Variants in MCF2L observed in about 807,000 individuals in gnomAD.
MCF2L encodes guanine nucleotide exchange factor DBS.
Under a neutral mutation model 153.4 loss-of-function variants are expected in MCF2L, and 97 were observed. The observed-to-expected ratio is 0.63, with a 90% CI of 0.54 to 0.75. The LOEUF (loss-of-function observed/expected upper bound fraction) is 0.75. Ranked by LOEUF, MCF2L falls within the 30% of genes least tolerant of loss-of-function variation. The probability of loss-of-function intolerance (pLI) is 0.00; values close to 1 mark genes in which losing one functional copy is unlikely to be tolerated. For missense variants in MCF2L, 1,347 were observed against 1,495.2 expected (o/e 0.90, Z 1.64); for synonymous variants, 659 against 632.2 (o/e 1.04, Z -0.64).
At chr13:112,935,961 G>A (rs895449017) in intron 2 of MCF2L, among the ~76,000 whole-genome samples, 35 of 152,262 alleles carry the variant, frequency 2.3e-4, no homozygotes, top group African/African-American at 5.3e-4. Flanking sequence ...GCCTGGAACC[G>A]ATCCTTCCCT....
rs563320301 is a variant in MCF2L at position 113,064,322 on chromosome 13, G to A, written c.508G>A (p.Val170Ile). The change falls in exon 6 of 30, where the codon GTA becomes ATA. Residue 170 changes from valine to isoleucine, a missense_variant. Coordinates refer to ENST00000535094, the MANE Select transcript of MCF2L (RefSeq NM_001112732.3). The surrounding 1 kb of genome is among the most constrained non-coding windows in gnomAD (Gnocchi z 6.0). ...CCTCCAGGTCATAATGCTGAGCTCC[G>A]TACCAGACTTACACGGTTACATCGA... ...MKVPVIMLSS[V>I]PDLHGYIDKS... 36 of 1,612,778 alleles carry A rather than the reference G, an allele frequency of 2.2e-5. No individual in the cohort carries two copies. The highest frequency in any genetic ancestry group is 3.3e-4 in the Middle Eastern group (2 of 6,060).
intron 26 of MCF2L, chr13:113,090,848 C>T (rs766581510): frequency 7.4e-5 from 85 of 1,145,590 alleles, no homozygotes; most frequent in Admixed American, 3.5e-4. Context: ...ACTCTGCTAG[C>T]GCAGAACTAA....
intron 11 of MCF2L, 90 bp downstream of exon 11, chr13:113,075,279 G>A (rs2033351759): frequency 3.2e-6 from 4 of 1,238,098 alleles, no homozygotes; most frequent in Admixed American, 5.1e-5. Context: ...CCTTGTCGTG[G>A]GGAGGGCAGC....
intron 2 of MCF2L, among the ~76,000 whole-genome samples, chr13:112,912,718 C>G (rs2081245441): frequency 6.6e-6 from 1 of 151,980 alleles, no homozygotes; most frequent in Admixed American, 6.6e-5. Flanking sequence ...ATTTTATATC[C>G]TTCTTTTCTT....
Position 113,077,032 on chromosome 13 carries a change from T to C in MCF2L, c.1501-20T>C, listed in dbSNP as rs781098257. 1.9e-6 allele frequency: 3 copies of C among 1,602,482 alleles called. No individual in the cohort carries two copies. The highest frequency in any genetic ancestry group is 2.6e-6 in the Non-Finnish European group (3 of 1,172,946). ...TGACACCAACATGTGCAAGGCACCT[T>C]ACTGAGCATGCGGTTTCAGGAGCAC... is the stretch of plus-strand genomic sequence containing the variant. On this transcript the variant is annotated intron_variant, in intron 12 of 29. Transcript: ENST00000535094.
chr13:113,014,959 G>T, intron 2 of MCF2L, 113 bp downstream of exon 2: 1 of 892,040 alleles, frequency 1.1e-6, no homozygotes, highest in South Asian at 1.4e-5. Context: ...CATGCGAGGG[G>T]CTGTGTATTC....
Position 112,983,932 on chromosome 13 carries a change from C to A in MCF2L, c.79+14474C>A, listed in dbSNP as rs1193869941. Among the ~76,000 whole-genome samples the A allele has an allele frequency of 6.6e-6, 1 of 152,222 alleles. No homozygotes were observed. Among genetic ancestry groups the A allele is most frequent in the Non-Finnish European group, 1.5e-5 (1 of 68,042 alleles). Reference sequence around the variant, plus strand: ...GACTTCCACTCACATGGAGGAGGAGCCTCCTCTGCCCGGAGGAGACGGTGC... The same window carrying A: ...GACTTCCACTCACATGGAGGAGGAGACTCCTCTGCCCGGAGGAGACGGTGC... On this transcript the variant is annotated intron_variant, in intron 1 of 29. Coordinates refer to ENST00000535094, the MANE Select transcript of MCF2L (RefSeq NM_001112732.3). This position sits in a 1 kb window ranked among gnomAD's most constrained non-coding sequence, Gnocchi z 4.0.
chr13:112,987,881 C>A, intron 1 of MCF2L, among the ~76,000 whole-genome samples: 1 of 152,240 alleles, frequency 6.6e-6, no homozygotes, highest in Admixed American at 6.5e-5. Context: ...CCAGAACTGA[C>A]CCTGCCCAGC....
chr13:112,898,072 G>A (rs1294177830), intron 1 of MCF2L, among the ~76,000 whole-genome samples: 2 of 152,198 alleles, frequency 1.3e-5, no homozygotes, highest in East Asian at 1.9e-4. Context: ...TAGGGCCGCC[G>A]CCCCCACCTC....
Position 113,027,198 on chromosome 13 carries a change from GCGCAC to G in MCF2L, c.278+2441_278+2445del. On this transcript the variant is annotated intron_variant, in intron 3 of 29. Coordinates refer to ENST00000535094, the MANE Select transcript of MCF2L (RefSeq NM_001112732.3). This position sits in a 1 kb window ranked among gnomAD's most constrained non-coding sequence, Gnocchi z 4.8. ...CATTCTTCAGTCTTTAAAGACAACA[GCGCAC>G]TGGGCCTGGTAACTGAGAGCTCAGC... is the stretch of plus-strand genomic sequence containing the variant. 1 of 619,338 alleles carries G rather than the reference GCGCAC, an allele frequency of 1.6e-6. No homozygotes were observed. The highest frequency in any genetic ancestry group is 2.9e-6 in the Non-Finnish European group (1 of 339,520). 38.4% of individuals were successfully genotyped at this position (619,338 alleles called of 1,614,324 possible).
At chr13:112,980,788 C>G (rs550999343) in intron 1 of MCF2L, among the ~76,000 whole-genome samples, 24 of 152,356 alleles carry the variant, frequency 1.6e-4, no homozygotes, top group Non-Finnish European at 3.2e-4. Flanking sequence ...CAGCCTCCCT[C>G]CGAGTCCACT....
intron 2 of MCF2L, among the ~76,000 whole-genome samples, chr13:112,923,553 C>T (rs536005676): frequency 1.3e-5 from 2 of 152,030 alleles, no homozygotes; most frequent in African/African-American, 2.4e-5. Context: ...TGTGAGCCAC[C>T]GCACCTGGCC....
Position 113,075,189 on chromosome 13 carries a change from G to C in MCF2L, c.1308G>C (p.Thr436=), listed in dbSNP as rs145126289. 1.9e-6 allele frequency: 3 copies of C among 1,589,460 alleles called. No individual in the cohort carries two copies. Among genetic ancestry groups the C allele is most frequent in the East Asian group, 2.3e-5 (1 of 44,190 alleles). Reference sequence around the variant, plus strand: ...TGGAGCTGCACCGCCGCCTGGAGACGGTAGGCCGAGCCGGACCCCACCCCA... The same window carrying C: ...TGGAGCTGCACCGCCGCCTGGAGACCGTAGGCCGAGCCGGACCCCACCCCA... The part of the protein sequence containing the change: ...KSLELHRRLE[T]SMKWCDEGIY... Residue 436 remains threonine, a splice_region_variant and synonymous_variant, in exon 11 of 30, where the codon ACG becomes ACC. Coordinates refer to ENST00000535094, the MANE Select transcript of MCF2L (RefSeq NM_001112732.3).
At chr13:112,970,740 T>C (rs2082013130) in intron 1 of MCF2L, among the ~76,000 whole-genome samples, 1 of 152,106 alleles carries the variant, frequency 6.6e-6, no homozygotes, top group Admixed American at 6.5e-5. Context: ...CCCAGGTTTT[T>C]AGGGATTGGG....
At chr13:112,911,038 C>T (rs1043551270) in intron 2 of MCF2L, among the ~76,000 whole-genome samples, 1 of 152,188 alleles carries the variant, frequency 6.6e-6, no homozygotes, top group Non-Finnish European at 1.5e-5. Flanking sequence ...CTGACTCTCT[C>T]GCCCCTGCCC....
Position 112,932,224 on chromosome 13 carries a change from G to C in MCF2L, c.169+29853G>C, listed in dbSNP as rs778342170. On this transcript the variant is annotated intron_variant, in intron 2 of 29. Transcript: ENST00000375608. This position sits in a 1 kb window ranked among gnomAD's most constrained non-coding sequence, Gnocchi z 4.6. The stretch of plus-strand genomic sequence containing the variant: ...CCAGGCGTGTAGACTCGTGCCCTGG[G>C]TAAGGCGTGACCGGGATGGCACTTT... 1.2e-4 allele frequency among the ~76,000 whole-genome samples: 18 copies of C among 150,288 alleles called. No homozygotes were observed. The highest frequency in any genetic ancestry group is 2.5e-4 in the Non-Finnish European group (17 of 67,406).
intron 2 of MCF2L, among the ~76,000 whole-genome samples, chr13:113,020,579 GA>G (rs771654401): frequency 2.2e-4 from 33 of 152,364 alleles, no homozygotes; most frequent in Admixed American, 2.0e-4. Context: ...CTGATTTACA[GA>G]CTGCAGCCTT....
intron 3 of MCF2L, among the ~76,000 whole-genome samples, chr13:113,030,694 A>G (rs1011597651): frequency 6.6e-6 from 1 of 152,222 alleles, no homozygotes; most frequent in Non-Finnish European, 1.5e-5. Flanking sequence ...TGAAAACCCT[A>G]TAGCCCTTCC....
chr13:112,912,770 C>T (rs1377382014), intron 2 of MCF2L, among the ~76,000 whole-genome samples: 2 of 149,796 alleles, frequency 1.3e-5, no homozygotes, highest in African/African-American at 5.1e-5. Flanking sequence ...GTGTGTGTCA[C>T]ATGTCTGTGT....
Sources: gnomAD v4.1 joint callset for allele counts (sites outside exome capture counted in the v4.1 genomes callset) on GRCh38, gnomAD v4.1.1 for gene constraint, Gnocchi (gnomAD v3.1) non-coding constraint, MANE v1.5 for transcripts, NCBI Gene and HGNC (gene_info 2026-07-23, HGNC 2026-07-21) for gene names.